The following CACNA1D variants were observed in gnomAD, a reference collection of about 807,000 sequenced individuals.
The protein encoded by CACNA1D is voltage-dependent L-type calcium channel subunit alpha-1D.
CACNA1D carries 55 observed loss-of-function variants against 257.1 expected under a neutral mutation model. The observed-to-expected ratio is 0.21, with a 90% CI of 0.17 to 0.27. The LOEUF is 0.27. Among genes scored for constraint, CACNA1D ranks in the 10% least tolerant of loss-of-function variants. The pLI, the probability that CACNA1D is intolerant of heterozygous loss-of-function variation, is 1.00. For missense variants in CACNA1D, 1,876 were observed against 2,784.0 expected, an observed-to-expected ratio of 0.67 and a Z score of 7.34; for synonymous variants, 980 against 1,014.9, an observed-to-expected ratio of 0.97 and a Z score of 0.65.
At chr3:53,750,782 T>C (rs1408660340) in intron 27 of CACNA1D, among the ~76,000 whole-genome samples, 1 of 152,118 alleles carries the variant, frequency 6.6e-6, no homozygotes, top group Non-Finnish European at 1.5e-5. Context: ...TCCCAGACAC[T>C]GGGAACCTGT....
Position 53,673,867 on chromosome 3 carries a change from A to G in CACNA1D, c.1220+741A>G. Reference sequence around the variant, plus strand: ...CTTCTCCTGCTGCCACGTGTGAGGCAACTCTGCGTGTCTCCTAGCTGCTCC... The same window carrying G: ...CTTCTCCTGCTGCCACGTGTGAGGCGACTCTGCGTGTCTCCTAGCTGCTCC... On this transcript the variant is annotated intron_variant, in intron 8 of 47. Transcript: ENST00000350061. This position sits in a 1 kb window ranked among gnomAD's most constrained non-coding sequence, Gnocchi z 4.1. The G allele has an allele frequency of 8.8e-7, 1 of 1,138,188 alleles. No homozygotes were observed. Among genetic ancestry groups the G allele is most frequent in the Non-Finnish European group, 1.3e-6 (1 of 745,422 alleles). The allele number at this position is 1,138,188 out of a possible 1,614,324, so 70.5% of individuals were successfully genotyped here.
Position 53,722,418 on chromosome 3 carries a change from C to T in CACNA1D, c.1610C>T (p.Thr537Ile). 1.2e-6 allele frequency: 2 copies of T among 1,614,136 alleles called. No individual in the cohort carries two copies. The highest frequency in any genetic ancestry group is 1.3e-5 in the African/African-American group (1 of 75,008). Residue 537 changes from threonine (T) to isoleucine (I), a missense_variant, in exon 12 of 48, where the codon ACC (threonine) becomes ATC (isoleucine). Physicochemically the swap from Thr to Ile is moderately conservative, Grantham distance 89 (BLOSUM62 -1). Around this residue, in one of 10 missense-constraint regions of CACNA1D, gnomAD observed 257 missense variants for 399.7 expected, o/e 0.64. Transcript: ENST00000350061. Reference protein sequence around the residue: ...WLVIVLVFLNTLTISSEHYNQ... With the variant: ...WLVIVLVFLNILTISSEHYNQ... ...GTTATCGTCCTGGTGTTTCTGAACACCTTAACCATTTCCTCTGAGCACTAC... is the reference window on the plus strand; with the variant it reads ...GTTATCGTCCTGGTGTTTCTGAACATCTTAACCATTTCCTCTGAGCACTAC...
intron 3 of CACNA1D, among the ~76,000 whole-genome samples, chr3:53,566,507 C>T (rs547655949): frequency 6.6e-6 from 1 of 152,224 alleles, no homozygotes; most frequent in Non-Finnish European, 1.5e-5. Flanking sequence ...TGAGTTCCTA[C>T]ATGGCACCTG....
intron 3 of CACNA1D, among the ~76,000 whole-genome samples, chr3:53,544,856 A>G (rs12715461): frequency 0.78 from 119,075 of 152,146 alleles, 47,378 homozygotes; most frequent in African/African-American, 0.91. Context: ...AAGTTGCTTC[A>G]TCCCTCATTC....
chr3:53,691,972 TTTTG>T (rs2094533722), intron 8 of CACNA1D, among the ~76,000 whole-genome samples: 1 of 98,734 alleles, frequency 1.0e-5, no homozygotes, highest in Non-Finnish European at 2.1e-5. Flanking sequence ...TCCTGCTTGT[TTTTG>T]TTTATCAATG....
intron 3 of CACNA1D, among the ~76,000 whole-genome samples, chr3:53,648,165 A>G (rs147319802): frequency 3.9e-5 from 6 of 152,236 alleles, no homozygotes; most frequent in African/African-American, 9.6e-5. Context: ...TGTAACTGCT[A>G]TGAATATTGA....
chr3:53,714,818 C>T (rs1207177429), intron 9 of CACNA1D, among the ~76,000 whole-genome samples: 1 of 152,162 alleles, frequency 6.6e-6, no homozygotes, highest in East Asian at 1.9e-4. Context: ...CACGTATTCT[C>T]AGAAGCCCCT....
intron 3 of CACNA1D, among the ~76,000 whole-genome samples, chr3:53,568,312 A>G (rs1197663611): frequency 6.6e-6 from 1 of 152,214 alleles, no homozygotes; most frequent in African/African-American, 2.4e-5. Flanking sequence ...CACCACTGGC[A>G]TTGATGCTAC....
intron 3 of CACNA1D, among the ~76,000 whole-genome samples, chr3:53,515,144 C>T (rs906539153): frequency 1.1e-4 from 16 of 152,040 alleles, no homozygotes; most frequent in South Asian, 4.2e-4. Context: ...CATGGTGGTC[C>T]GGGGTAAAAA....
intron 3 of CACNA1D, among the ~76,000 whole-genome samples, chr3:53,520,530 C>A (rs901933530): frequency 1.3e-5 from 2 of 152,196 alleles, no homozygotes; most frequent in African/African-American, 4.8e-5. Flanking sequence ...CTTTGGGAGG[C>A]CAAGGCGGGT....
intron 3 of CACNA1D, among the ~76,000 whole-genome samples, chr3:53,605,469 G>A (rs2093497582): frequency 6.6e-6 from 1 of 152,206 alleles, no homozygotes; most frequent in Non-Finnish European, 1.5e-5. Flanking sequence ...TGTCAAATCT[G>A]TAATTATAAC....
At position 53,716,976 on chromosome 3, in the gene CACNA1D, A is replaced by G. The variant is rs554821494; in HGVS notation, c.1391-1325A>G. On this transcript the variant is annotated intron_variant, in intron 9 of 47. Coordinates refer to ENST00000350061, the MANE Select transcript of CACNA1D (RefSeq NM_001128840.3). ...GCCCCCTACGCGAGCTGCCTGATCC[A>G]GCTCCTTTCCCCCTGAGCCTGGGCT... 2.0e-3 allele frequency among the ~76,000 whole-genome samples: 307 copies of G among 152,332 alleles called. 1 individual carries two copies. Among genetic ancestry groups the G allele is most frequent in the African/African-American group, 6.9e-3 (288 of 41,576 alleles).
At chr3:53,554,445 C>T (rs1224401828) in intron 3 of CACNA1D, among the ~76,000 whole-genome samples, 1 of 152,194 alleles carries the variant, frequency 6.6e-6, no homozygotes, top group African/African-American at 2.4e-5. Context: ...CTCTCCAGGC[C>T]TTTCTGCCAA....
rs752650525 is a variant in CACNA1D, at chr3:53,661,479, C to G, written c.766+1204C>G. Reference sequence around the variant, plus strand: ...ACTGTGTGGAATCAATTGAGAAAAACAGAAATACCTTGGAAATGACTGGCT... The same window carrying G: ...ACTGTGTGGAATCAATTGAGAAAAAGAGAAATACCTTGGAAATGACTGGCT... On this transcript the variant is annotated intron_variant, in intron 5 of 47. Coordinates refer to ENST00000350061, the MANE Select transcript of CACNA1D (RefSeq NM_001128840.3). Among the ~76,000 whole-genome samples the G allele has an allele frequency of 4.8e-4, 73 of 152,186 alleles. 1 individual carries two copies. The highest frequency in any genetic ancestry group is 1.3e-3 in the Admixed American group (20 of 15,286).
chr3:53,505,197 C>T (rs529346868), intron 3 of CACNA1D, among the ~76,000 whole-genome samples: 1 of 150,810 alleles, frequency 6.6e-6, no homozygotes, highest in Admixed American at 6.6e-5. Flanking sequence ...CAAGCTCCGC[C>T]TCTGGGGTTC....
In CACNA1D at chr3:53,780,144, C is replaced by G. The variant is rs749288508; in HGVS notation, c.4690+16C>G. On this transcript the variant is annotated intron_variant, in intron 38 of 47. Coordinates refer to ENST00000350061, the MANE Select transcript of CACNA1D (RefSeq NM_001128840.3). ...AAGACCGAAGGTGAGCATTCCCTGC[C>G]AGCAAGACAAGATGGCAGGAAAGGA... 6.3e-7 allele frequency: 1 copy of G among 1,576,408 alleles called. No individual in the cohort carries two copies. Among genetic ancestry groups the G allele is most frequent in the East Asian group, 2.2e-5 (1 of 44,706 alleles).
intron 40 of CACNA1D, among the ~76,000 whole-genome samples, chr3:53,787,322 A>G (rs867457460): frequency 6.6e-6 from 1 of 152,078 alleles, no homozygotes; most frequent in African/African-American, 2.4e-5. Context: ...ACAGCTTTCC[A>G]TCTGAACGCA....
chr3:53,681,364 G>T (rs1233825188), intron 8 of CACNA1D, among the ~76,000 whole-genome samples: 1 of 152,182 alleles, frequency 6.6e-6, no homozygotes, highest in Non-Finnish European at 1.5e-5. Context: ...AACTGTGCTT[G>T]GCCTGCAGGC....
At chr3:53,694,684 G>A (rs1179595690) in intron 8 of CACNA1D, among the ~76,000 whole-genome samples, 1 of 152,190 alleles carries the variant, frequency 6.6e-6, no homozygotes, top group African/African-American at 2.4e-5. Flanking sequence ...AGGACTCTAG[G>A]AACAATCTAA....
Sources: allele counts gnomAD v4.1 joint callset (sites outside exome capture counted in the v4.1 genomes callset), GRCh38; gene constraint gnomAD v4.1.1; regional missense constraint gnomAD v4.1.1; non-coding constraint Gnocchi (gnomAD v3.1); transcripts MANE v1.5; gene names NCBI Gene and HGNC (gene_info 2026-07-23, HGNC 2026-07-21).